The following PDCD4 variants were observed in gnomAD, a reference collection of about 807,000 sequenced individuals.
PDCD4 encodes the protein programmed cell death protein 4.
PDCD4 carries 56 observed loss-of-function variants against 54.0 expected under a neutral mutation model. That is an observed-to-expected ratio of 1.04 (90% CI 0.84 to 1.30). The LOEUF is 1.30. Among genes scored for constraint, PDCD4 ranks in the 50% most tolerant of loss-of-function variants. The probability of loss-of-function intolerance (pLI) is 0.00; values close to 1 mark genes in which losing one functional copy is unlikely to be tolerated. For missense variants in PDCD4, 584 were observed against 559.8 expected (o/e 1.04, Z -0.44); for synonymous variants, 186 against 194.8 (o/e 0.95, Z 0.37).
rs1564681225 is a variant in PDCD4 at position 110,881,540 on chromosome 10, G to A, written c.346+5G>A. ...GAAGGGGACTACCAAAGAAAGGTTG[G>A]TATATATCATGTCCAACAAATGGAA... On this transcript the variant is annotated splice_donor_5th_base_variant and intron_variant, in intron 3 of 11. Coordinates refer to ENST00000280154, the MANE Select transcript of PDCD4 (RefSeq NM_014456.5). The A allele has an allele frequency of 6.3e-7, 1 of 1,593,492 alleles. No individual in the cohort carries two copies. The highest frequency in any genetic ancestry group is 8.6e-7 in the Non-Finnish European group (1 of 1,167,304).
At chr10:110,875,058 A>G (rs1845480645) in intron 1 of PDCD4, among the ~76,000 whole-genome samples, 1 of 152,144 alleles carries the variant, frequency 6.6e-6, no homozygotes, top group Non-Finnish European at 1.5e-5. Flanking sequence ...CTAAACCACT[A>G]TTTAAAAAAT....
chr10:110,874,005 T>C (rs1845464487), intron 1 of PDCD4, among the ~76,000 whole-genome samples: 1 of 152,220 alleles, frequency 6.6e-6, no homozygotes, highest in Non-Finnish European at 1.5e-5. Flanking sequence ...AAGCTTCTGT[T>C]AACCCTTGAA....
intron 8 of PDCD4, among the ~76,000 whole-genome samples, chr10:110,893,600 G>C (rs2134005031): frequency 6.6e-6 from 1 of 152,050 alleles, no homozygotes; most frequent in East Asian, 1.9e-4. Context: ...ATTCTCAGTT[G>C]TAGAGAAAAG....
chr10:110,889,291 A>G (rs1357036209), intron 6 of PDCD4, among the ~76,000 whole-genome samples: 1 of 150,664 alleles, frequency 6.6e-6, no homozygotes, highest in Admixed American at 6.6e-5. Context: ...GGTGTTAGGG[A>G]TTCATTAGTG....
Position 110,881,402 on chromosome 10 carries a change from T to C in PDCD4, c.213T>C (p.Ser71=), listed in dbSNP as rs1465287337. 2 of 1,614,156 alleles carry C rather than the reference T, an allele frequency of 1.2e-6. No homozygotes were observed. The highest frequency in any genetic ancestry group is 1.1e-5 in the South Asian group (1 of 91,082). ...RRLRKNSSRD[S]GRGDSVSDSG... ...TAAGGAAAAACTCATCCCGGGACTC[T>C]GGCAGAGGCGATTCGGTCAGCGACA... Residue 71 remains serine (S), a synonymous_variant, in exon 3 of 12, where the codon TCT becomes TCC. Coordinates refer to ENST00000280154, the MANE Select transcript of PDCD4 (RefSeq NM_014456.5).
Position 110,889,462 on chromosome 10 carries a change from G to C in PDCD4, c.778-71G>C, listed in dbSNP as rs975257849. 2.3e-5 allele frequency: 19 copies of C among 826,118 alleles called. No individual in the cohort carries two copies. The Admixed American group carries it at 3.8e-4, about 17-fold the overall frequency. The allele number at this position is 826,118 out of a possible 1,614,324, so 51.2% of individuals were successfully genotyped here. A position where few individuals can be genotyped will look rare whatever the true frequency, so the allele number is the denominator to read the frequency against. On this transcript the variant is annotated intron_variant, in intron 6 of 11. Transcript: ENST00000280154. ...ACTTCAGCTAATCTTCATCATTTAT[G>C]TATTTAGAAATTGTGACCTATAAAA...
chr10:110,881,902 A>G (rs1429468767), intron 3 of PDCD4, among the ~76,000 whole-genome samples: 1 of 152,228 alleles, frequency 6.6e-6, no homozygotes, highest in Non-Finnish European at 1.5e-5. Context: ...ACTACTACTA[A>G]TAAATATACA....
chr10:110,889,698 T>C, intron 7 of PDCD4, 68 bp downstream of exon 7: 1 of 854,962 alleles, frequency 1.2e-6, no homozygotes, highest in Non-Finnish European at 2.0e-6. Flanking sequence ...CCTATTGAAA[T>C]GACACTTGTG....
chr10:110,875,579 A>C (rs1845490480), intron 1 of PDCD4, among the ~76,000 whole-genome samples: 1 of 152,162 alleles, frequency 6.6e-6, no homozygotes, highest in Non-Finnish European at 1.5e-5. Flanking sequence ...GTAGGGAACT[A>C]TCCAGTATTT....
rs570351714 is a variant in PDCD4 at position 110,880,265 on chromosome 10, T to A, written c.44-968T>A. ...AAAAGACTGCTATATAAAAAGAAAG[T>A]GATTTCCATGACGTGTTGAATGAAT... On this transcript the variant is annotated intron_variant, in intron 2 of 11. Transcript: ENST00000280154. 3 of 152,384 alleles carry A rather than the reference T, an allele frequency of 2.0e-5. No individual in the cohort carries two copies. The East Asian group carries it at 5.8e-4, about 29-fold the overall frequency. The allele number at this position is 152,384 out of a possible 1,614,324, so 9.4% of individuals were successfully genotyped here. A position where few individuals can be genotyped will look rare whatever the true frequency, so the allele number is the denominator to read the frequency against.
At position 110,898,139 on chromosome 10, in the gene PDCD4, G is replaced by GT; in HGVS notation, c.*52dup. On this transcript the variant is annotated 3_prime_UTR_variant, in exon 12 of 12. Coordinates refer to ENST00000280154, the MANE Select transcript of PDCD4 (RefSeq NM_014456.5). ...TGTTATAAAAATATATATCTGAATT[G>GT]TAAGAGTTGTTAGCACAAGTTTTTT... 1 of 735,550 alleles carries GT rather than the reference G, an allele frequency of 1.4e-6. No homozygotes were observed. The highest frequency in any genetic ancestry group is 3.3e-5 in the Admixed American group (1 of 29,904). The allele number at this position is 735,550 out of a possible 1,614,324, so 45.6% of individuals were successfully genotyped here.
At chr10:110,886,191 G>A (rs1365912749) in intron 5 of PDCD4, among the ~76,000 whole-genome samples, 4 of 152,150 alleles carry the variant, frequency 2.6e-5, no homozygotes, top group Non-Finnish European at 5.9e-5. Flanking sequence ...TACGTGAAAC[G>A]TTCTGTTATA....
Position 110,894,496 on chromosome 10 carries a change from A to G in PDCD4, c.1183A>G (p.Thr395Ala), listed in dbSNP as rs777919101. The G allele has an allele frequency of 5.9e-6, 9 of 1,516,730 alleles. No individual in the cohort carries two copies. The highest frequency in any genetic ancestry group is 1.4e-5 in the African/African-American group (1 of 73,054). 94.0% of individuals were successfully genotyped at this position (1,516,730 alleles called of 1,614,324 possible). ...ATTAAAGTCCCTTTGGAAGTCTTCT[A>G]CCATTACTGTAGACCAAATGAAAAG... The part of the protein sequence containing the change: ...DLLKSLWKSS[T>A]ITVDQMKRGY... Residue 395 changes from threonine to alanine, a missense_variant, in exon 10 of 12, where the codon ACC (threonine) becomes GCC (alanine). Physicochemically the swap from Thr to Ala is moderately conservative, Grantham distance 58 (BLOSUM62 0). Coordinates refer to ENST00000280154, the MANE Select transcript of PDCD4 (RefSeq NM_014456.5).
At chr10:110,893,131 C>T (rs1845780474) in intron 8 of PDCD4, among the ~76,000 whole-genome samples, 1 of 151,890 alleles carries the variant, frequency 6.6e-6, no homozygotes, top group South Asian at 2.1e-4. Flanking sequence ...ATCTAACACA[C>T]TTTTCAGAAT....
At position 110,898,082 on chromosome 10, in the gene PDCD4, C is replaced by A; in HGVS notation, c.1404C>A (p.Ser468Arg). 1.3e-6 allele frequency: 2 copies of A among 1,568,850 alleles called. No homozygotes were observed. Among genetic ancestry groups the A allele is most frequent in the Non-Finnish European group, 1.7e-6 (2 of 1,153,142 alleles). ...EGDGGRLKPE[S>R]Y ...ATGGAGGTCGTCTTAAACCAGAGAG[C>A]TACTGAATATAAGAACTCTTGCAGT... is the stretch of plus-strand genomic sequence containing the variant. Residue 468 changes from serine (S) to arginine (R), a missense_variant, in exon 12 of 12, where the codon AGC becomes AGA. By Grantham distance (110) the Ser-to-Arg change is moderately radical. Coordinates refer to ENST00000280154, the MANE Select transcript of PDCD4 (RefSeq NM_014456.5).
rs188204248 is a variant in PDCD4, at chr10:110,883,688, T to C, written c.441+591T>C. 6.3e-3 allele frequency among the ~76,000 whole-genome samples: 962 copies of C among 152,336 alleles called. 12 individuals are homozygous for C. The highest frequency in any genetic ancestry group is 0.021 in the African/African-American group (873 of 41,576). On this transcript the variant is annotated intron_variant, in intron 4 of 11. Coordinates refer to ENST00000280154, the MANE Select transcript of PDCD4 (RefSeq NM_014456.5). The stretch of plus-strand genomic sequence containing the variant: ...TTCTATTGGCCCCTTTGCCCCACCC[T>C]GTTTTGGATTATTTTGAAGCAAATC...
At chr10:110,882,012 G>GT (rs1845600392) in intron 3 of PDCD4, among the ~76,000 whole-genome samples, 1 of 152,102 alleles carries the variant, frequency 6.6e-6, no homozygotes, top group African/African-American at 2.4e-5. Flanking sequence ...AGATTGGTCT[G>GT]TTTCACTGCT....
intron 8 of PDCD4, among the ~76,000 whole-genome samples, chr10:110,892,212 TA>T (rs1845767680): frequency 6.6e-6 from 1 of 152,182 alleles, no homozygotes; most frequent in Non-Finnish European, 1.5e-5. Flanking sequence ...AAGGAAGACC[TA>T]AATAAATAGA....
intron 1 of PDCD4, among the ~76,000 whole-genome samples, chr10:110,875,615 T>G (rs1845491467): frequency 6.6e-6 from 1 of 152,202 alleles, no homozygotes; most frequent in Non-Finnish European, 1.5e-5. Context: ...TATATCAGAT[T>G]AATTTTGAGG....
Sources: gnomAD v4.1 joint callset for allele counts (sites outside exome capture counted in the v4.1 genomes callset) on GRCh38, gnomAD v4.1.1 for gene constraint, MANE v1.5 for transcripts, NCBI Gene and HGNC (gene_info 2026-07-23, HGNC 2026-07-21) for gene names.